Variants in SMCHD1 observed in about 807,000 individuals in gnomAD.
SMCHD1 encodes the protein structural maintenance of chromosomes flexible hinge domain-containing protein 1.
In SMCHD1, 78 loss-of-function variants were observed where a neutral mutation model predicts 254.7. The observed-to-expected ratio is 0.31, with a 90% CI of 0.26 to 0.37. SMCHD1 has a LOEUF of 0.37. Among genes scored for constraint, SMCHD1 ranks in the 10% least tolerant of loss-of-function variants. The pLI is 1.00. For synonymous variants in SMCHD1, 766 were observed against 794.9 expected, an observed-to-expected ratio of 0.96 and a Z score of 0.61; for missense variants, 1,840 against 2,408.1, an observed-to-expected ratio of 0.76 and a Z score of 4.94.
At chr18:2,663,305 T>G in intron 1 of SMCHD1, among the ~76,000 whole-genome samples, 1 of 151,450 alleles carries the variant, frequency 6.6e-6, no homozygotes, top group African/African-American at 2.4e-5. Flanking sequence ...AGAGATGGGG[T>G]TTTACCACAT....
chr18:2,659,620 A>C (rs902159069), intron 1 of SMCHD1, among the ~76,000 whole-genome samples: 6 of 152,146 alleles, frequency 3.9e-5, no homozygotes, highest in Admixed American at 1.3e-4. Flanking sequence ...CCATGTGTGC[A>C]TATCCCCCCA....
chr18:2,796,633 T>A, intron 47 of SMCHD1, 112 bp downstream of exon 47: 1 of 735,794 alleles, frequency 1.4e-6, no homozygotes, highest in Non-Finnish European at 2.3e-6. Context: ...CAGGCTAGAG[T>A]GCAGTGGCAC....
chr18:2,798,784 A>G (rs1259653214), intron 47 of SMCHD1, among the ~76,000 whole-genome samples: 1 of 152,240 alleles, frequency 6.6e-6, no homozygotes, highest in African/African-American at 2.4e-5. Flanking sequence ...AATTTTTTAA[A>G]GAAGTATTTT....
chr18:2,759,661 C>T (rs2075752984), intron 34 of SMCHD1, among the ~76,000 whole-genome samples: 2 of 146,306 alleles, frequency 1.4e-5, no homozygotes, highest in African/African-American at 2.5e-5. Flanking sequence ...CCTCTGCCTT[C>T]CGGGTTCAAG....
chr18:2,795,142 T>A (rs11659593), intron 45 of SMCHD1, among the ~76,000 whole-genome samples: 44,253 of 151,776 alleles, frequency 0.29, 6,682 homozygotes, highest in East Asian at 0.51. Flanking sequence ...CAAGCTCTGC[T>A]TCCCGGGTTC....
chr18:2,782,909 T>C (rs1444371517), intron 44 of SMCHD1, among the ~76,000 whole-genome samples: 1 of 152,200 alleles, frequency 6.6e-6, no homozygotes, highest in Non-Finnish European at 1.5e-5. Flanking sequence ...AATTAAGTTG[T>C]GGTTATTTCT....
chr18:2,658,467 T>G (rs1249761209), intron 1 of SMCHD1, among the ~76,000 whole-genome samples: 1 of 152,238 alleles, frequency 6.6e-6, no homozygotes, highest in African/African-American at 2.4e-5. Context: ...ATGTATTTAT[T>G]CCTTCCTTCA....
At chr18:2,678,095 A>T (rs998392547) in intron 5 of SMCHD1, among the ~76,000 whole-genome samples, 3 of 152,162 alleles carry the variant, frequency 2.0e-5, no homozygotes, top group Admixed American at 6.5e-5. Context: ...TATAAATGTG[A>T]TCGTTATACA....
intron 32 of SMCHD1, 121 bp from the exon 33 acceptor site, chr18:2,751,157 C>A: frequency 3.5e-6 from 2 of 574,698 alleles, no homozygotes; most frequent in Admixed American, 4.0e-5. Flanking sequence ...ATTGTATTAA[C>A]ATTTAAATAA....
intron 3 of SMCHD1, among the ~76,000 whole-genome samples, chr18:2,668,400 A>G (rs1345437071): frequency 6.6e-6 from 1 of 152,192 alleles, no homozygotes; most frequent in African/African-American, 2.4e-5. Context: ...GTTAGGAAAT[A>G]ATATAGGTAA....
intron 1 of SMCHD1, among the ~76,000 whole-genome samples, chr18:2,662,555 GAA>G (rs2073313920): frequency 1.3e-5 from 2 of 150,840 alleles, no homozygotes; most frequent in African/African-American, 4.9e-5. Context: ...AGAGGCAGGA[GAA>G]TGGTGTGAAC....
In SMCHD1 at chr18:2,750,228, G is replaced by A. The variant is rs1000791447; in HGVS notation, c.4007+106G>A. ...TATCCTTCTGTTTAATGTTAGGCAA[G>A]AGTTGGGACTGAATAGAAGTTGAGA... On this transcript the variant is annotated intron_variant, in intron 31 of 47. Coordinates refer to ENST00000320876, the MANE Select transcript of SMCHD1 (RefSeq NM_015295.3). 18 of 1,406,576 alleles carry A rather than the reference G, an allele frequency of 1.3e-5. No individual in the cohort carries two copies. The African/African-American group carries it at 2.4e-4, about 19-fold the overall frequency. The allele number at this position is 1,406,576 out of a possible 1,614,324, so 87.1% of individuals were successfully genotyped here. A position where few individuals can be genotyped will look rare whatever the true frequency, so the allele number is the denominator to read the frequency against.
Position 2,681,442 on chromosome 18 carries a change from AGGT to A in SMCHD1, c.639-6950_639-6948del, listed in dbSNP as rs1377384590. Among the ~76,000 whole-genome samples, 4 of 149,530 alleles carry A rather than the reference AGGT, an allele frequency of 2.7e-5. No individual in the cohort carries two copies. In the East Asian group the frequency reaches 7.8e-4, roughly 29 times the overall value. On this transcript the variant is annotated intron_variant, in intron 5 of 47. Coordinates refer to ENST00000320876, the MANE Select transcript of SMCHD1 (RefSeq NM_015295.3). ...AAAAAAAAAAAAAGGAAAATTAGCC[AGGT>A]GTTGTGGCTTGCACCTTTAGCCCCA...
intron 37 of SMCHD1, among the ~76,000 whole-genome samples, chr18:2,766,466 T>A (rs573737038): frequency 6.6e-6 from 1 of 152,264 alleles, no homozygotes; most frequent in Admixed American, 6.5e-5. Flanking sequence ...GATATCTCAC[T>A]GAATCAATAG....
chr18:2,771,645 A>ATT (rs3214732), intron 40 of SMCHD1, 27 bp downstream of exon 40: 1 of 1,426,308 alleles, frequency 7.0e-7, no homozygotes, highest in South Asian at 1.5e-5. Flanking sequence ...TACGTGAAAG[A>ATT]TTTTTTATTA....
intron 37 of SMCHD1, among the ~76,000 whole-genome samples, 180 bp from the exon 38 acceptor site, chr18:2,769,514 A>G (rs560334232): frequency 5.9e-5 from 9 of 152,318 alleles, no homozygotes; most frequent in Admixed American, 5.9e-4. Flanking sequence ...AAAAAGTTGT[A>G]TGTCTTGGGT....
intron 25 of SMCHD1, among the ~76,000 whole-genome samples, chr18:2,737,408 T>A (rs539653170): frequency 3.9e-5 from 6 of 152,184 alleles, no homozygotes; most frequent in Admixed American, 2.6e-4. Context: ...AATTTAGAAA[T>A]TTTTTTTAAA....
chr18:2,673,042 T>C, intron 3 of SMCHD1: 6 of 985,036 alleles, frequency 6.1e-6, no homozygotes, highest in Non-Finnish European at 7.2e-6. Flanking sequence ...AAGCCAGGAA[T>C]CATGGCTGGC....
intron 10 of SMCHD1, 66 bp from the exon 11 acceptor site, chr18:2,700,473 T>C (rs2074376469): frequency 6.8e-7 from 1 of 1,472,530 alleles, no homozygotes; most frequent in South Asian, 1.3e-5. Context: ...AACATTTATG[T>C]GTTTGTTTCA....
Sources: allele counts gnomAD v4.1 joint callset (sites outside exome capture counted in the v4.1 genomes callset), GRCh38; gene constraint gnomAD v4.1.1; transcripts MANE v1.5; gene names NCBI Gene and HGNC (gene_info 2026-07-23, HGNC 2026-07-21).